Variants in KDM4B observed in about 807,000 individuals in gnomAD.
KDM4B encodes the protein lysine-specific demethylase 4B.
A neutral mutation model predicts 125.2 loss-of-function variants in KDM4B; 32 were observed. That is an observed-to-expected ratio of 0.26 (90% CI 0.19 to 0.34). The LOEUF (loss-of-function observed/expected upper bound fraction) is 0.34, where lower values mean the gene tolerates loss of function less well. Ranked by LOEUF, KDM4B falls within the 10% of genes least tolerant of loss-of-function variation. KDM4B has a pLI of 1.00. For missense variants in KDM4B, 1,190 were observed against 1,577.7 expected, an observed-to-expected ratio of 0.75 and a Z score of 4.16; for synonymous variants, 721 against 677.9, an observed-to-expected ratio of 1.06 and a Z score of -0.99.
chr19:5,009,349 G>C (rs546927154), intron 1 of KDM4B, among the ~76,000 whole-genome samples: 1 of 152,316 alleles, frequency 6.6e-6, no homozygotes, highest in East Asian at 1.9e-4. Flanking sequence ...GGTGACAAAT[G>C]TCAGCTTTTC....
At position 4,985,058 on chromosome 19, in the gene KDM4B, C is replaced by G. The variant is rs1391610827; in HGVS notation, c.-109+15828C>G. On this transcript the variant is annotated intron_variant, in intron 1 of 22. Coordinates refer to ENST00000159111, the MANE Select transcript of KDM4B (RefSeq NM_015015.3). Reference sequence around the variant, plus strand: ...CAATGACAGGCTGGGCACGGTGGCTCCCGCCTGTAATCCTAGCACTTTGGG... The same window carrying G: ...CAATGACAGGCTGGGCACGGTGGCTGCCGCCTGTAATCCTAGCACTTTGGG... Among the ~76,000 whole-genome samples the G allele has an allele frequency of 4.6e-5, 7 of 152,230 alleles. No homozygotes were observed. In the East Asian group the frequency reaches 9.7e-4, roughly 21 times the overall value.
intron 6 of KDM4B, among the ~76,000 whole-genome samples, chr19:5,051,528 C>G (rs1457644770): frequency 5.3e-5 from 8 of 152,232 alleles, no homozygotes; most frequent in Non-Finnish European, 2.9e-5. Context: ...TGCAGGGACT[C>G]CCGAGGACGT....
intron 10 of KDM4B, among the ~76,000 whole-genome samples, chr19:5,117,104 T>C (rs1297149988): frequency 6.6e-6 from 1 of 152,078 alleles, no homozygotes; most frequent in Non-Finnish European, 1.5e-5. Flanking sequence ...CCCAGTTCCA[T>C]GTAGTGTGGG....
intron 1 of KDM4B, among the ~76,000 whole-genome samples, chr19:4,981,183 G>A (rs975226302): frequency 5.3e-5 from 8 of 152,086 alleles, no homozygotes; most frequent in African/African-American, 1.9e-4. Context: ...CTGTGTCTCC[G>A]CTCCATGGGG....
intron 9 of KDM4B, among the ~76,000 whole-genome samples, chr19:5,087,280 A>G (rs1322014990): frequency 1.3e-5 from 2 of 152,250 alleles, no homozygotes; most frequent in Admixed American, 6.5e-5. Context: ...CTGTGCAGCC[A>G]GTGACATAGT....
chr19:5,143,263 C>T (rs1282521196), intron 18 of KDM4B, among the ~76,000 whole-genome samples: 4 of 150,962 alleles, frequency 2.6e-5, no homozygotes, highest in African/African-American at 9.8e-5. Context: ...TTGGAGACCG[C>T]AGTGAGCTAT....
intron 9 of KDM4B, among the ~76,000 whole-genome samples, chr19:5,098,993 G>A (rs1192593370): frequency 6.6e-6 from 1 of 152,202 alleles, no homozygotes; most frequent in Non-Finnish European, 1.5e-5. Flanking sequence ...TGCCTCCAAG[G>A]AATGTGCAGG....
At chr19:5,036,978 G>T (rs1485063724) in intron 3 of KDM4B, among the ~76,000 whole-genome samples, 1 of 152,226 alleles carries the variant, frequency 6.6e-6, no homozygotes, top group Non-Finnish European at 1.5e-5. Flanking sequence ...CCGTGGGGGT[G>T]TTTGGAGCTT....
At chr19:5,077,653 C>T (rs183408295) in intron 8 of KDM4B, 183 bp downstream of exon 8, 164 of 576,352 alleles carry the variant, frequency 2.8e-4, no homozygotes, top group African/African-American at 2.5e-3. Context: ...CACGGGGAAG[C>T]GAAGATGGCA....
Position 5,131,867 on chromosome 19 carries a change from C to T in KDM4B, c.1786-20C>T. On this transcript the variant is annotated intron_variant, in intron 12 of 22. Coordinates refer to ENST00000159111, the MANE Select transcript of KDM4B (RefSeq NM_015015.3). ...GGGGTCTGTAGCGGGGCCCTCACTA[C>T]AGCCTGTTGTGTGTTTCAGGCACCG... The T allele has an allele frequency of 6.2e-7, 1 of 1,612,698 alleles. No homozygotes were observed. The highest frequency in any genetic ancestry group is 8.5e-7 in the Non-Finnish European group (1 of 1,179,836).
At chr19:5,119,346 T>C in intron 10 of KDM4B, 1 of 693,622 alleles carries the variant, frequency 1.4e-6, no homozygotes, top group Non-Finnish European at 2.4e-6. Context: ...GTCCCGCCCG[T>C]CATCCCACCT....
At chr19:4,969,837 C>T (rs889340479) in intron 1 of KDM4B, among the ~76,000 whole-genome samples, 21 of 150,646 alleles carry the variant, frequency 1.4e-4, no homozygotes, top group South Asian at 8.4e-4. Context: ...TCCAAACTTG[C>T]CCCCCTGTAC....
chr19:4,982,611 C>T (rs1004467136), intron 1 of KDM4B, among the ~76,000 whole-genome samples: 2 of 151,090 alleles, frequency 1.3e-5, no homozygotes, highest in Non-Finnish European at 2.9e-5. Context: ...CTCTCTCTCT[C>T]TTTCTCTCTT....
At chr19:5,109,889 G>A (rs1235425692) in intron 9 of KDM4B, among the ~76,000 whole-genome samples, 2 of 152,216 alleles carry the variant, frequency 1.3e-5, no homozygotes, top group Non-Finnish European at 2.9e-5. Context: ...CTCTTGGAAC[G>A]ATTGCTGTTA....
At chr19:5,024,202 A>T (rs1323758386) in intron 2 of KDM4B, among the ~76,000 whole-genome samples, 1 of 152,022 alleles carries the variant, frequency 6.6e-6, no homozygotes, top group Non-Finnish European at 1.5e-5. Context: ...CTCTGGGGTC[A>T]AGGAGAGTCC....
chr19:4,969,704 C>A (rs928073866), intron 1 of KDM4B, among the ~76,000 whole-genome samples: 1 of 151,964 alleles, frequency 6.6e-6, no homozygotes, highest in East Asian at 1.9e-4. Flanking sequence ...GTTTCTGGCC[C>A]TTTGGGCGCC....
chr19:5,041,087 G>C lies in KDM4B; in HGVS notation c.318-50G>C, dbSNP rs375416435. 9 of 1,313,954 alleles carry C rather than the reference G, an allele frequency of 6.8e-6. No individual in the cohort carries two copies. In the Admixed American group the frequency reaches 1.4e-4, roughly 20 times the overall value. The allele number at this position is 1,313,954 out of a possible 1,614,324, so 81.4% of individuals were successfully genotyped here. A position where few individuals can be genotyped will look rare whatever the true frequency, so the allele number is the denominator to read the frequency against. ...TTCCAGGTGGCTGAGGGTGGGCTGCGTAGCACCCAGGCCTCACCCTGAGCT... is the reference window on the plus strand; with the variant it reads ...TTCCAGGTGGCTGAGGGTGGGCTGCCTAGCACCCAGGCCTCACCCTGAGCT... On this transcript the variant is annotated intron_variant, in intron 4 of 22. Transcript: ENST00000159111.
At chr19:4,985,060 C>G (rs1183460406) in intron 1 of KDM4B, among the ~76,000 whole-genome samples, 1 of 152,050 alleles carries the variant, frequency 6.6e-6, no homozygotes, top group South Asian at 2.1e-4. Flanking sequence ...CGGTGGCTCC[C>G]GCCTGTAATC....
chr19:5,062,760 T>C (rs904420881), intron 6 of KDM4B, among the ~76,000 whole-genome samples: 5 of 151,008 alleles, frequency 3.3e-5, no homozygotes, highest in South Asian at 2.1e-4. Context: ...TAGAAACTTA[T>C]GTTATAATTA....
Sources: allele counts gnomAD v4.1 joint callset (sites outside exome capture counted in the v4.1 genomes callset), GRCh38; gene constraint gnomAD v4.1.1; transcripts MANE v1.5; gene names NCBI Gene and HGNC (gene_info 2026-07-23, HGNC 2026-07-21).